Variants in PTCHD4 observed in about 807,000 individuals in gnomAD.
PTCHD4 encodes the protein patched domain containing 4.
A neutral mutation model predicts 58.1 loss-of-function variants in PTCHD4; 33 were observed. The observed-to-expected ratio is 0.57, with a 90% CI of 0.43 to 0.76. PTCHD4 has a LOEUF of 0.76. Ranked by LOEUF, PTCHD4 falls within the 30% of genes least tolerant of loss-of-function variation. The pLI is 0.00. For synonymous variants in PTCHD4, 478 were observed against 409.6 expected, an observed-to-expected ratio of 1.17 and a Z score of -2.02; for missense variants, 1,058 against 1,027.1, an observed-to-expected ratio of 1.03 and a Z score of -0.41.
chr6:47,994,314 G>A (rs1768395569), intron 4 of PTCHD4, among the ~76,000 whole-genome samples: 3 of 152,202 alleles, frequency 2.0e-5, no homozygotes, highest in African/African-American at 7.2e-5. Context: ...AGCCAATTAT[G>A]CATAGTGGGT....
At chr6:47,896,806 T>C (rs1764541847) in intron 4 of PTCHD4, among the ~76,000 whole-genome samples, 1 of 152,126 alleles carries the variant, frequency 6.6e-6, no homozygotes, top group Non-Finnish European at 1.5e-5. Context: ...TCTCATTTAA[T>C]GGTTAAGAAA....
intron 4 of PTCHD4, among the ~76,000 whole-genome samples, chr6:47,882,741 G>GAGATAGATATATATATATAT (rs143060584): frequency 9.8e-6 from 1 of 102,374 alleles, no homozygotes; most frequent in Non-Finnish European, 2.1e-5. Flanking sequence ...TGATTCCAGT[G>GAGATAGATATATATATATAT]ATATATATAT....
intron 1 of PTCHD4, among the ~76,000 whole-genome samples, chr6:48,076,778 C>T (rs1225511746): frequency 6.6e-6 from 1 of 152,144 alleles, no homozygotes; most frequent in Non-Finnish European, 1.5e-5. Context: ...ATGCCTTGTG[C>T]TCGGAATGAA....
At chr6:47,902,215 T>TA (rs1371655869) in intron 4 of PTCHD4, among the ~76,000 whole-genome samples, 1 of 152,206 alleles carries the variant, frequency 6.6e-6, no homozygotes, top group Non-Finnish European at 1.5e-5. Context: ...TATTTCTTTT[T>TA]AAAAAATCAA....
At chr6:48,034,760 T>G (rs1197864319) in intron 3 of PTCHD4, among the ~76,000 whole-genome samples, 5 of 152,152 alleles carry the variant, frequency 3.3e-5, no homozygotes. Context: ...GAATAAACTC[T>G]CTTTGCAGCC....
At chr6:48,104,367 G>A (rs890855517) in intron 1 of PTCHD4, among the ~76,000 whole-genome samples, 3 of 152,146 alleles carry the variant, frequency 2.0e-5, no homozygotes, top group Non-Finnish European at 4.4e-5. Flanking sequence ...CATAAGTGAA[G>A]GAGAAATAAA....
chr6:48,014,389 TATTGTAA>T (rs1219959122), intron 3 of PTCHD4, among the ~76,000 whole-genome samples: 2 of 152,200 alleles, frequency 1.3e-5, no homozygotes, highest in African/African-American at 4.8e-5. Context: ...ATATAAGAAA[TATTGTAA>T]TTATCCTGTG....
At position 48,044,394 on chromosome 6, in the gene PTCHD4, C is replaced by T. The variant is rs577955442; in HGVS notation, c.417+23836G>A. ...TCTTTGTAGATCTGAGTCTTCCAGTCGAAGTGCAGTTGTAGATGCAACATT... is the reference window on the plus strand; with the variant it reads ...TCTTTGTAGATCTGAGTCTTCCAGTTGAAGTGCAGTTGTAGATGCAACATT... On this transcript the variant is annotated intron_variant, in intron 3 of 4. Coordinates refer to ENST00000339488, the MANE Select transcript of PTCHD4 (RefSeq NM_001384253.1). Among the ~76,000 whole-genome samples the T allele has an allele frequency of 1.3e-4, 19 of 151,764 alleles. No homozygotes were observed. In the East Asian group the frequency reaches 1.6e-3, roughly 12 times the overall value.
intron 4 of PTCHD4, among the ~76,000 whole-genome samples, chr6:47,884,020 G>C (rs116585544): frequency 6.6e-6 from 1 of 152,000 alleles, no homozygotes; most frequent in South Asian, 2.1e-4. Flanking sequence ...CCGTAACACA[G>C]AAAACTGCTG....
intron 4 of PTCHD4, among the ~76,000 whole-genome samples, chr6:47,986,542 G>T (rs902542028): frequency 6.6e-6 from 1 of 152,008 alleles, no homozygotes; most frequent in Non-Finnish European, 1.5e-5. Flanking sequence ...GCCTCCTGAG[G>T]TATTAGTTAA....
At position 47,872,010 on chromosome 6, in the gene PTCHD4, A is replaced by C. The variant is rs1488203117; in HGVS notation, c.*6293T>G. Among the ~76,000 whole-genome samples, 1 of 151,506 alleles carries C rather than the reference A, an allele frequency of 6.6e-6. No homozygotes were observed. Among genetic ancestry groups the C allele is most frequent in the Non-Finnish European group, 1.5e-5 (1 of 67,680 alleles). ...GCTACAGACTGTACCAGGAGATGCA[A>C]GAATATGACGGCTTATTCTTTTTTT... is the stretch of plus-strand genomic sequence containing the variant. On this transcript the variant is annotated 3_prime_UTR_variant, in exon 5 of 5. Transcript: ENST00000339488.
Position 47,857,610 on chromosome 6 carries a change from G to A in PTCHD4, c.*20693C>T, listed in dbSNP as rs148471239. ...AGTGCTAACTCAATTTCATACCACCGCAAAACTATGGTAAACCATAGTGTT... is the reference window on the plus strand; with the variant it reads ...AGTGCTAACTCAATTTCATACCACCACAAAACTATGGTAAACCATAGTGTT... On this transcript the variant is annotated 3_prime_UTR_variant, in exon 5 of 5. Coordinates refer to ENST00000339488, the MANE Select transcript of PTCHD4 (RefSeq NM_001384253.1). Among the ~76,000 whole-genome samples, 1 of 151,852 alleles carries A rather than the reference G, an allele frequency of 6.6e-6. No individual in the cohort carries two copies. Among genetic ancestry groups the A allele is most frequent in the Non-Finnish European group, 1.5e-5 (1 of 67,968 alleles).
intron 4 of PTCHD4, among the ~76,000 whole-genome samples, chr6:47,892,251 A>G (rs1764403219): frequency 6.6e-6 from 1 of 152,220 alleles, no homozygotes. Flanking sequence ...TAGTTTATAA[A>G]CTAAATACAA....
intron 4 of PTCHD4, among the ~76,000 whole-genome samples, chr6:47,914,589 TC>T (rs2113872726): frequency 6.6e-6 from 1 of 151,664 alleles, no homozygotes; most frequent in South Asian, 2.1e-4. Flanking sequence ...TCATGTGAGT[TC>T]TTTATAGTTA....
At chr6:48,067,776 A>G (rs1477765200) in intron 3 of PTCHD4, among the ~76,000 whole-genome samples, 1 of 152,108 alleles carries the variant, frequency 6.6e-6, no homozygotes, top group African/African-American at 2.4e-5. Context: ...ACCCTGAACA[A>G]AGATGTAATT....
intron 1 of PTCHD4, among the ~76,000 whole-genome samples, chr6:48,094,552 T>C (rs1765424445): frequency 6.6e-6 from 1 of 152,212 alleles, no homozygotes; most frequent in African/African-American, 2.4e-5. Context: ...AGAAGATATA[T>C]GGATTTGACC....
At chr6:47,997,779 G>A (rs1408070709) in intron 4 of PTCHD4, among the ~76,000 whole-genome samples, 1 of 152,166 alleles carries the variant, frequency 6.6e-6, no homozygotes, top group Non-Finnish European at 1.5e-5. Context: ...TTCCAGGAAG[G>A]CAGGTGGGAA....
chr6:48,040,901 A>G lies in PTCHD4; in HGVS notation c.417+27329T>C, dbSNP rs543043932. Among the ~76,000 whole-genome samples, 16 of 152,048 alleles carry G rather than the reference A, an allele frequency of 1.1e-4. No individual in the cohort carries two copies. The East Asian group carries it at 3.1e-3, about 30-fold the overall frequency. ...AGCACCTACAAAGACGTAAAATCTC[A>G]TTTTGGTGAAGCATGGATTTGAAGT... On this transcript the variant is annotated intron_variant, in intron 3 of 4. Transcript: ENST00000339488.
At chr6:48,044,206 C>T (rs1309021784) in intron 3 of PTCHD4, among the ~76,000 whole-genome samples, 1 of 151,968 alleles carries the variant, frequency 6.6e-6, no homozygotes, top group South Asian at 2.1e-4. Context: ...AAGAATCTGA[C>T]ATTTTCTACT....
Sources: allele counts gnomAD v4.1 joint callset (sites outside exome capture counted in the v4.1 genomes callset), GRCh38; gene constraint gnomAD v4.1.1; transcripts MANE v1.5; gene names NCBI Gene and HGNC (gene_info 2026-07-23, HGNC 2026-07-21).